ZNF124: variants seen among roughly 807,000 people sequenced by gnomAD.
ZNF124 encodes the protein zinc finger protein HZF-16.
Under a neutral mutation model 26.6 loss-of-function variants are expected in ZNF124, and 25 were observed. The ratio of observed to expected loss-of-function variants is 0.94; its 90% CI spans 0.68 to 1.31. The LOEUF is 1.31. Ranked by LOEUF, ZNF124 falls within the 40% of genes most tolerant of loss-of-function variation. The pLI is 0.00. For missense variants in ZNF124, 444 were observed against 422.2 expected (o/e 1.05, Z -0.45); for synonymous variants, 129 against 133.3 (o/e 0.97, Z 0.22).
chr1:247,134,427 A>G (rs1375913510), intron 3 of ZNF124, among the ~76,000 whole-genome samples: 3 of 152,300 alleles, frequency 2.0e-5, no homozygotes, highest in Non-Finnish European at 1.5e-5. Context: ...AAGCAAATGT[A>G]AAGCAAAAAA....
In ZNF124 at chr1:247,156,396, A is replaced by C; in HGVS notation, c.*170T>G. 6 of 1,258,530 alleles carry C rather than the reference A, an allele frequency of 4.8e-6. No individual in the cohort carries two copies. The highest frequency in any genetic ancestry group is 6.0e-6 in the Non-Finnish European group (6 of 1,001,666). 78.0% of individuals were successfully genotyped at this position (1,258,530 alleles called of 1,614,324 possible). A position where few individuals can be genotyped will look rare whatever the true frequency, so the allele number is the denominator to read the frequency against. ...TTTTCAAAAAGAAATGGAAAAATTG[A>C]ATGCTTTACCTTATTGCTTATAGTC... On this transcript the variant is annotated 3_prime_UTR_variant, in exon 4 of 4. Transcript: ENST00000543802.
chr1:247,157,857 G>C (rs1673240580), intron 3 of ZNF124, among the ~76,000 whole-genome samples: 1 of 151,912 alleles, frequency 6.6e-6, no homozygotes, highest in Admixed American at 6.6e-5. Flanking sequence ...CTGGTGTGAG[G>C]TGCTTGGGTC....
chr1:247,161,311 G>C (rs972110912), intron 1 of ZNF124, among the ~76,000 whole-genome samples: 3 of 152,154 alleles, frequency 2.0e-5, no homozygotes, highest in African/African-American at 7.2e-5. Flanking sequence ...AGGCATTGTA[G>C]GATAGTGAAG....
chr1:247,166,097 T>A (rs549224149), intron 1 of ZNF124, among the ~76,000 whole-genome samples: 1 of 152,296 alleles, frequency 6.6e-6, no homozygotes, highest in East Asian at 1.9e-4. Context: ...GATGACTGCT[T>A]GAGCCCAGGA....
At chr1:247,146,049 TATA>T (rs1331864576) in intron 3 of ZNF124, among the ~76,000 whole-genome samples, 4 of 152,220 alleles carry the variant, frequency 2.6e-5, no homozygotes, top group Admixed American at 6.5e-5. Flanking sequence ...ACCAAACAGC[TATA>T]ATGTGAGCAA....
intron 1 of ZNF124, among the ~76,000 whole-genome samples, chr1:247,167,990 T>A (rs149239339): frequency 3.8e-4 from 58 of 152,226 alleles, no homozygotes; most frequent in African/African-American, 1.4e-3. Flanking sequence ...ATTAAAACCA[T>A]AATGAGATAC....
In ZNF124 at chr1:247,156,036, A is replaced by G. The variant is rs1005219036; in HGVS notation, c.*530T>C. The G allele has an allele frequency of 2.5e-5, 24 of 963,308 alleles. No individual in the cohort carries two copies. Among genetic ancestry groups the G allele is most frequent in the Non-Finnish European group, 3.0e-5 (24 of 810,014 alleles). 59.7% of individuals were successfully genotyped at this position (963,308 alleles called of 1,614,324 possible). On this transcript the variant is annotated 3_prime_UTR_variant, in exon 4 of 4. Coordinates refer to ENST00000543802, the MANE Select transcript of ZNF124 (RefSeq NM_001297568.2). ...GAGAATTGTACTATAATTATTTTCC[A>G]TAAGGTTTTCCATAATATTTACATT...
chr1:247,138,302 T>A (rs1405861725), intron 3 of ZNF124: 1 of 153,616 alleles, frequency 6.5e-6, no homozygotes, highest in African/African-American at 2.4e-5. Flanking sequence ...TAAAAAGGAA[T>A]GAGATCATGT....
chr1:247,144,369 A>G (rs1215824005), intron 3 of ZNF124, among the ~76,000 whole-genome samples: 3 of 152,148 alleles, frequency 2.0e-5, no homozygotes, highest in Non-Finnish European at 4.4e-5. Context: ...AACCACAACT[A>G]AGTTGGAGTA....
intron 3 of ZNF124, among the ~76,000 whole-genome samples, chr1:247,135,700 A>C (rs1672466004): frequency 6.6e-6 from 1 of 152,214 alleles, no homozygotes; most frequent in Non-Finnish European, 1.5e-5. Flanking sequence ...TCATCCTGAT[A>C]CCAAAACCTG....
chr1:247,163,154 T>C (rs1211984672), intron 1 of ZNF124, among the ~76,000 whole-genome samples: 1 of 151,978 alleles, frequency 6.6e-6, no homozygotes, highest in Non-Finnish European at 1.5e-5. Flanking sequence ...TAAGGCAGTG[T>C]TAAGAGGAAA....
At chr1:247,131,606 A>G (rs1165633146) in intron 3 of ZNF124, among the ~76,000 whole-genome samples, 1 of 152,230 alleles carries the variant, frequency 6.6e-6, no homozygotes, top group South Asian at 2.1e-4. Flanking sequence ...TGCTTTAGCC[A>G]GGGAGGCTGT....
In ZNF124 at chr1:247,156,791, A is replaced by G. The variant is rs766678786; in HGVS notation, c.831T>C (p.Leu277=). ...CGKAFRYASS[L]QKHEKTHIAQ... is the part of the protein sequence containing the mutation. The stretch of plus-strand genomic sequence containing the variant: ...CAATATGAGTTTTCTCGTGTTTCTG[A>G]AGGGAACTGGCGTATCTGAAGGCTT... The change falls in exon 4 of 4, where the codon CTT becomes CTC. Residue 277 remains leucine, a synonymous_variant. Transcript: ENST00000543802. 10 of 1,613,534 alleles carry G rather than the reference A, an allele frequency of 6.2e-6. No homozygotes were observed. The highest frequency in any genetic ancestry group is 7.6e-6 in the Non-Finnish European group (9 of 1,179,810).
chr1:247,138,534 T>C (rs1168065525), intron 3 of ZNF124: 3 of 369,762 alleles, frequency 8.1e-6, no homozygotes, highest in Non-Finnish European at 1.4e-5. Context: ...CCGCGGCACA[T>C]GTATACCCAT....
rs1673882094 is a variant in ZNF124, at chr1:247,168,093, T to C, written c.30+3755A>G. Among the ~76,000 whole-genome samples, 2 of 152,222 alleles carry C rather than the reference T, an allele frequency of 1.3e-5. No individual in the cohort carries two copies. ...GGATGTGGTGAACAGGGAACACTTC[T>C]ACACTGCTGATGGGAGTGTCAACTA... On this transcript the variant is annotated intron_variant, in intron 1 of 3. Coordinates refer to ENST00000543802, the MANE Select transcript of ZNF124 (RefSeq NM_001297568.2). The surrounding 1 kb of genome is among the most constrained non-coding windows in gnomAD (Gnocchi z 4.0).
intron 3 of ZNF124, among the ~76,000 whole-genome samples, chr1:247,142,323 A>G (rs937016353): frequency 2.0e-5 from 3 of 152,234 alleles, no homozygotes; most frequent in Non-Finnish European, 2.9e-5. Flanking sequence ...GAATTTGAAC[A>G]ATATACTGAA....
Position 247,157,147 on chromosome 1 carries a change from A to C in ZNF124, c.475T>G (p.Leu159Val). The change falls in exon 4 of 4, where the codon TTA (leucine) becomes GTA (valine). Residue 159 changes from leucine (L) to valine (V), a missense_variant. Coordinates refer to ENST00000543802, the MANE Select transcript of ZNF124 (RefSeq NM_001297568.2). ...PYECMECGKA[L>V]GFSRSLNRHK... ...CTATTAAGAGAACGGGAAAAACCTA[A>C]GGCTTTCCCACATTCCATACATTCA... 1 of 1,614,104 alleles carries C rather than the reference A, an allele frequency of 6.2e-7. No individual in the cohort carries two copies. The highest frequency in any genetic ancestry group is 1.1e-5 in the South Asian group (1 of 91,072).
Position 247,157,106 on chromosome 1 carries a change from GTGA to G in ZNF124, c.513_515del (p.His172del). 1 of 1,614,048 alleles carries G rather than the reference GTGA, an allele frequency of 6.2e-7. No individual in the cohort carries two copies. The highest frequency in any genetic ancestry group is 1.1e-5 in the South Asian group (1 of 91,070). ...TACATTCATAGCGTTTTTCTCCAGT[GTGA>G]ATCCTTTTATGTCTATTAAGAGAAC... On this transcript the variant is annotated inframe_deletion, in exon 4 of 4. Coordinates refer to ENST00000543802, the MANE Select transcript of ZNF124 (RefSeq NM_001297568.2).
intron 3 of ZNF124, among the ~76,000 whole-genome samples, chr1:247,136,939 C>T (rs576190281): frequency 6.7e-6 from 1 of 149,878 alleles, no homozygotes; most frequent in Non-Finnish European, 1.5e-5. Context: ...AGAGTCAGAC[C>T]CATCTCAAAA....
Sources: gnomAD v4.1 joint callset for allele counts (sites outside exome capture counted in the v4.1 genomes callset) on GRCh38, gnomAD v4.1.1 for gene constraint, Gnocchi (gnomAD v3.1) non-coding constraint, MANE v1.5 for transcripts, NCBI Gene and HGNC (gene_info 2026-07-23, HGNC 2026-07-21) for gene names.